FSD2: variants seen among roughly 807,000 people sequenced by gnomAD.
FSD2 encodes fibronectin type III and SPRY domain-containing protein 2.
In FSD2, 71 loss-of-function variants were observed where a neutral mutation model predicts 80.4. The observed-to-expected ratio is 0.88, with a 90% CI of 0.73 to 1.08. The LOEUF (loss-of-function observed/expected upper bound fraction) is 1.08, where lower values mean the gene tolerates loss of function less well. Ranked by LOEUF, FSD2 falls within the 50% of genes least tolerant of loss-of-function variation. The probability of loss-of-function intolerance (pLI) is 0.00; values close to 1 mark genes in which losing one functional copy is unlikely to be tolerated. For synonymous variants in FSD2, 361 were observed against 329.5 expected, an observed-to-expected ratio of 1.10 and a Z score of -1.03; for missense variants, 923 against 913.8, an observed-to-expected ratio of 1.01 and a Z score of -0.13.
chr15:82,772,909 G>A (rs752643550), intron 6 of FSD2, among the ~76,000 whole-genome samples: 14 of 152,250 alleles, frequency 9.2e-5, no homozygotes, highest in Admixed American at 5.2e-4. Context: ...GTGCAGTGAC[G>A]TAATCTCGGC....
chr15:82,771,071 C>G (rs1015933175), intron 7 of FSD2, among the ~76,000 whole-genome samples: 3 of 152,060 alleles, frequency 2.0e-5, no homozygotes, highest in Admixed American at 6.6e-5. Flanking sequence ...CCCTCATCAT[C>G]ACTTAAATTT....
Position 82,757,653 on chromosome 15 carries a change from T to A in FSD2, c.*1695A>T, listed in dbSNP as rs1017189223. On this transcript the variant is annotated 3_prime_UTR_variant, in exon 13 of 13. Coordinates refer to ENST00000334574, the MANE Select transcript of FSD2 (RefSeq NM_001007122.4). ...GGCCGAGAACATTTTTAAATATACA[T>A]GATATGTATCTTTTAATTGTTTATA... 5 of 152,200 alleles carry A rather than the reference T, an allele frequency of 3.3e-5. No individual in the cohort carries two copies. The highest frequency in any genetic ancestry group is 1.3e-4 in the Admixed American group (2 of 15,280). The allele number at this position is 152,200 out of a possible 1,614,324, so 9.4% of individuals were successfully genotyped here.
chr15:82,778,964 G>T, intron 5 of FSD2, 77 bp from the exon 6 acceptor site: 3 of 1,501,466 alleles, frequency 2.0e-6, no homozygotes, highest in South Asian at 2.5e-5. Context: ...CTGAGTCACT[G>T]TCATAAATGA....
At position 82,786,744 on chromosome 15, in the gene FSD2, C is replaced by T. The variant is rs1260340950; in HGVS notation, c.639+8G>A. On this transcript the variant is annotated splice_region_variant and intron_variant, in intron 2 of 12. Transcript: ENST00000334574. ...CAAGACAGAGAAGAACCAAGGACAC[C>T]TATTTACCTTGGCACTTTCCAGTGC... The T allele has an allele frequency of 1.1e-5, 18 of 1,612,172 alleles. No homozygotes were observed. Among genetic ancestry groups the T allele is most frequent in the Non-Finnish European group, 1.4e-5 (17 of 1,178,860 alleles).
At chr15:82,803,423 A>G (rs13379684) in intron 1 of FSD2, among the ~76,000 whole-genome samples, 9 of 151,886 alleles carry the variant, frequency 5.9e-5, no homozygotes, top group African/African-American at 1.7e-4. Context: ...CCCCCACCCC[A>G]TGCCATAGCT....
intron 6 of FSD2, among the ~76,000 whole-genome samples, chr15:82,778,125 ACCATAT>A (rs1246624869): frequency 2.4e-5 from 1 of 41,424 alleles, no homozygotes; most frequent in African/African-American, 1.4e-4. Context: ...ACACAAAAAA[ACCATAT>A]ATATATATAT....
At chr15:82,779,459 G>A (rs1237362860) in intron 5 of FSD2, among the ~76,000 whole-genome samples, 1 of 152,156 alleles carries the variant, frequency 6.6e-6, no homozygotes, top group Non-Finnish European at 1.5e-5. Flanking sequence ...GAAGTCAGGA[G>A]TTCAAGACCA....
chr15:82,769,600 T>C, intron 8 of FSD2, 150 bp downstream of exon 8: 3 of 927,574 alleles, frequency 3.2e-6, no homozygotes, highest in Non-Finnish European at 4.6e-6. Flanking sequence ...ACTAGGCATG[T>C]AGATTTTGTG....
Position 82,782,118 on chromosome 15 carries a change from G to A in FSD2, c.966+677C>T, listed in dbSNP as rs186964810. ...AATAATAATAATAAAACTCTTGGCC[G>A]GGCATGGTGGCTCACGCCTGTAATC... On this transcript the variant is annotated intron_variant, in intron 4 of 12. Transcript: ENST00000334574. 1.8e-3 allele frequency among the ~76,000 whole-genome samples: 223 copies of A among 123,836 alleles called. 2 individuals are homozygous for A. The highest frequency in any genetic ancestry group is 0.016 in the Admixed American group (188 of 11,702). 81.2% of individuals were successfully genotyped at this position (123,836 alleles called of 152,430 possible).
chr15:82,784,254 TA>T (rs1190442715), intron 3 of FSD2, among the ~76,000 whole-genome samples: 3 of 150,990 alleles, frequency 2.0e-5, no homozygotes, highest in Admixed American at 6.6e-5. Flanking sequence ...TATTTTATTT[TA>T]TTTTTTTTTT....
chr15:82,789,009 G>T (rs1437455622), intron 1 of FSD2, among the ~76,000 whole-genome samples: 1 of 150,720 alleles, frequency 6.6e-6, no homozygotes, highest in Non-Finnish European at 1.5e-5. Flanking sequence ...ATACTCTCTA[G>T]CCTGTTCATA....
At chr15:82,803,240 A>G (rs534377605) in intron 1 of FSD2, among the ~76,000 whole-genome samples, 8 of 152,224 alleles carry the variant, frequency 5.3e-5, no homozygotes, top group African/African-American at 1.9e-4. Context: ...CTGTCTCTAC[A>G]GTCTGCTGAC....
chr15:82,769,069 G>A, intron 8 of FSD2, 39 bp from the exon 9 acceptor site: 1 of 1,480,088 alleles, frequency 6.8e-7, no homozygotes, highest in Non-Finnish European at 9.0e-7. Context: ...CAACTGTTGT[G>A]TTCATTTCCA....
intron 6 of FSD2, among the ~76,000 whole-genome samples, chr15:82,773,625 G>T (rs1028367251): frequency 2.0e-5 from 3 of 152,158 alleles, no homozygotes; most frequent in Non-Finnish European, 4.4e-5. Flanking sequence ...ACCATTCCTA[G>T]ATGGGGAAAA....
chr15:82,775,397 CA>C (rs79281280), intron 6 of FSD2, among the ~76,000 whole-genome samples: 441 of 138,728 alleles, frequency 3.2e-3, no homozygotes, highest in African/African-American at 7.4e-3. Context: ...GACTCTGTCT[CA>C]AAAAAAAAAA....
chr15:82,757,034 G>A lies in FSD2; in HGVS notation c.*2314C>T, dbSNP rs1016145862. On this transcript the variant is annotated 3_prime_UTR_variant, in exon 13 of 13. Transcript: ENST00000334574. The stretch of plus-strand genomic sequence containing the variant: ...TACAAAAATACAAAAGTTTTGCTTG[G>A]TTCTGTTCTAGATGTTTTCTTCTAA... 3.9e-5 allele frequency: 6 copies of A among 152,044 alleles called. No homozygotes were observed. Among genetic ancestry groups the A allele is most frequent in the African/African-American group, 1.4e-4 (6 of 41,392 alleles). The allele number at this position is 152,044 out of a possible 1,614,324, so 9.4% of individuals were successfully genotyped here. A position where few individuals can be genotyped will look rare whatever the true frequency, so the allele number is the denominator to read the frequency against.
At chr15:82,792,790 G>A (rs991007621) in intron 1 of FSD2, among the ~76,000 whole-genome samples, 3 of 152,114 alleles carry the variant, frequency 2.0e-5, no homozygotes, top group African/African-American at 4.8e-5. Context: ...GAGCCACCGT[G>A]TCTGGCCTAA....
rs79878694 is a variant in FSD2, at chr15:82,789,057, G to A, written c.-78-1589C>T. Among the ~76,000 whole-genome samples the A allele has an allele frequency of 1.0e-2, 1,509 of 151,460 alleles. 22 individuals carry two copies. The highest frequency in any genetic ancestry group is 0.034 in the African/African-American group (1,384 of 41,268). ...TAGTAATCCTCTTCTGGAACCTTGA[G>A]GAAAAATCCCAAATACAAGGAAAAA... On this transcript the variant is annotated intron_variant, in intron 1 of 12. Coordinates refer to ENST00000334574, the MANE Select transcript of FSD2 (RefSeq NM_001007122.4).
chr15:82,786,925 G>T lies in FSD2; in HGVS notation c.466C>A (p.Arg156Ser), dbSNP rs770864728. Residue 156 changes from arginine to serine, a missense_variant, in exon 2 of 13, where the codon CGT becomes AGT. By Grantham distance (110) the Arg-to-Ser change is moderately radical (BLOSUM62 -1). Transcript: ENST00000334574. ...LREAYRYTHG[R>S]ASEEYECYVI... ...TAGCATTCATACTCCTCGCTGGCAC[G>T]GCCGTGTGTGTACCTATAGGCTTCC... The T allele has an allele frequency of 1.9e-6, 3 of 1,613,778 alleles. No homozygotes were observed. In the African/African-American group the frequency reaches 4.0e-5, roughly 22 times the overall value.
Sources: gnomAD v4.1 joint callset for allele counts (sites outside exome capture counted in the v4.1 genomes callset) on GRCh38, gnomAD v4.1.1 for gene constraint, MANE v1.5 for transcripts, NCBI Gene and HGNC (gene_info 2026-07-23, HGNC 2026-07-21) for gene names.